The following IPO11 variants were observed in gnomAD, a reference collection of about 807,000 sequenced individuals.
The protein encoded by IPO11 is importin 11.
In IPO11, 66 loss-of-function variants were observed where a neutral mutation model predicts 143.2. The ratio of observed to expected loss-of-function variants is 0.46; its 90% CI spans 0.38 to 0.57. IPO11 has a LOEUF of 0.57. Among genes scored for constraint, IPO11 ranks in the 20% least tolerant of loss-of-function variants. The pLI, the probability that IPO11 is intolerant of heterozygous loss-of-function variation, is 0.00. For synonymous variants in IPO11, 385 were observed against 377.8 expected, an observed-to-expected ratio of 1.02 and a Z score of -0.22; for missense variants, 1,026 against 1,141.0, an observed-to-expected ratio of 0.90 and a Z score of 1.45.
rs1305676414 is a variant in IPO11 at position 62,443,412 on chromosome 5, TGTGTGTGTGC to T, written c.239+337_239+346del. The T allele has an allele frequency of 1.4e-4, 24 of 174,716 alleles. No homozygotes were observed. In the East Asian group the frequency reaches 2.5e-3, roughly 18 times the overall value. The allele number at this position is 174,716 out of a possible 1,614,324, so 10.8% of individuals were successfully genotyped here. On this transcript the variant is annotated intron_variant, in intron 3 of 29. Transcript: ENST00000325324. The stretch of plus-strand genomic sequence containing the variant: ...GTGTGTGTGTGTGTGTGTGTGTGTG[TGTGTGTGTGC>T]GTGTGTGCGTGTGCGTGTGATGTTG...
At chr5:62,580,223 C>T in intron 27 of IPO11, 1 of 1,550,580 alleles carries the variant, frequency 6.4e-7, no homozygotes, top group African/African-American at 1.4e-5. Flanking sequence ...CTGAAAAATT[C>T]AAGAATTAGG....
chr5:62,492,948 C>T (rs1740983696), intron 15 of IPO11, among the ~76,000 whole-genome samples: 1 of 152,018 alleles, frequency 6.6e-6, no homozygotes. Context: ...AAATATTTAT[C>T]ATCTTGCCAC....
At chr5:62,569,403 G>C (rs925566843) in intron 27 of IPO11, among the ~76,000 whole-genome samples, 2 of 152,164 alleles carry the variant, frequency 1.3e-5, no homozygotes, top group Non-Finnish European at 2.9e-5. Flanking sequence ...TAATTCTACA[G>C]ATTATTCTGC....
intron 29 of IPO11, among the ~76,000 whole-genome samples, chr5:62,605,625 C>T (rs1270153925): frequency 2.0e-5 from 3 of 151,726 alleles, no homozygotes; most frequent in Non-Finnish European, 2.9e-5. Context: ...TGAAATCTGA[C>T]TCATAGTCAC....
intron 29 of IPO11, among the ~76,000 whole-genome samples, chr5:62,610,849 T>C (rs1352305686): frequency 1.3e-5 from 2 of 152,198 alleles, no homozygotes; most frequent in East Asian, 3.8e-4. Context: ...GTACTTCCTC[T>C]GAGAACCTAT....
intron 7 of IPO11, among the ~76,000 whole-genome samples, chr5:62,470,587 T>G (rs1430879743): frequency 1.3e-5 from 2 of 152,122 alleles, no homozygotes; most frequent in Non-Finnish European, 2.9e-5. Flanking sequence ...TCCTGTGAAT[T>G]TGAATGCTAT....
chr5:62,582,026 G>A (rs765272090), intron 27 of IPO11, among the ~76,000 whole-genome samples: 7 of 152,282 alleles, frequency 4.6e-5, no homozygotes, highest in East Asian at 1.9e-4. Flanking sequence ...AGCTGGTGTC[G>A]TGAATGATGG....
At chr5:62,425,789 C>T (rs1007970767) in intron 1 of IPO11, among the ~76,000 whole-genome samples, 1 of 152,110 alleles carries the variant, frequency 6.6e-6, no homozygotes, top group African/African-American at 2.4e-5. Flanking sequence ...TACAAGTGTA[C>T]ACAATATATA....
intron 3 of IPO11, among the ~76,000 whole-genome samples, chr5:62,447,230 T>C (rs1427634325): frequency 6.6e-6 from 1 of 152,040 alleles, no homozygotes; most frequent in East Asian, 1.9e-4. Flanking sequence ...CTCAGCCTCC[T>C]GAGTAGCTGT....
chr5:62,434,383 C>G (rs531004169), intron 1 of IPO11, among the ~76,000 whole-genome samples: 51 of 152,058 alleles, frequency 3.4e-4, no homozygotes, highest in African/African-American at 1.1e-3. Context: ...CTCACTGTAT[C>G]CTGGACCTCC....
At chr5:62,552,646 C>T (rs1421956046) in intron 26 of IPO11, among the ~76,000 whole-genome samples, 2 of 151,986 alleles carry the variant, frequency 1.3e-5, no homozygotes, top group Non-Finnish European at 2.9e-5. Flanking sequence ...CCAGAGGAAA[C>T]ATCAGGATGC....
At chr5:62,438,270 G>A (rs758538966) in intron 2 of IPO11, among the ~76,000 whole-genome samples, 1 of 152,066 alleles carries the variant, frequency 6.6e-6, no homozygotes, top group Non-Finnish European at 1.5e-5. Context: ...GTTCATGACA[G>A]TAAGGGAAAT....
At chr5:62,580,821 A>G (rs1468227086) in intron 27 of IPO11, 1 of 1,551,380 alleles carries the variant, frequency 6.4e-7, no homozygotes, top group East Asian at 2.4e-5. Flanking sequence ...TTCCTACTTC[A>G]CCTGCTGGTA....
intron 17 of IPO11, 33 bp downstream of exon 17, chr5:62,504,733 G>A: frequency 7.0e-7 from 1 of 1,436,932 alleles, no homozygotes; most frequent in South Asian, 1.3e-5. Flanking sequence ...ATACTTCATT[G>A]CAAAGAACTT....
At chr5:62,623,483 T>G (rs1192328285) in intron 29 of IPO11, among the ~76,000 whole-genome samples, 1 of 152,096 alleles carries the variant, frequency 6.6e-6, no homozygotes, top group Non-Finnish European at 1.5e-5. Flanking sequence ...GGCTCTTGGA[T>G]CTCACACAAG....
chr5:62,580,468 G>T, intron 27 of IPO11: 4 of 1,551,318 alleles, frequency 2.6e-6, no homozygotes, highest in Non-Finnish European at 3.5e-6. Context: ...GCATCCAAGG[G>T]TCCTTAAGCC....
chr5:62,549,151 A>C (rs745563756), intron 24 of IPO11, among the ~76,000 whole-genome samples: 2 of 151,850 alleles, frequency 1.3e-5, no homozygotes, highest in African/African-American at 4.8e-5. Flanking sequence ...TATTGTTTCA[A>C]ATTTTATCTC....
intron 25 of IPO11, 64 bp downstream of exon 25, chr5:62,550,526 T>A (rs1172835182): frequency 1.9e-6 from 2 of 1,052,264 alleles, no homozygotes; most frequent in Non-Finnish European, 1.4e-6. Flanking sequence ...TTAATTACTC[T>A]GTTAGATACA....
intron 22 of IPO11, among the ~76,000 whole-genome samples, chr5:62,534,984 A>C (rs1282643397): frequency 6.6e-6 from 1 of 151,006 alleles, no homozygotes; most frequent in Admixed American, 6.6e-5. Flanking sequence ...AAAACAGATA[A>C]ATTTGTTAAT....
Sources: allele counts gnomAD v4.1 joint callset (sites outside exome capture counted in the v4.1 genomes callset), GRCh38; gene constraint gnomAD v4.1.1; transcripts MANE v1.5; gene names NCBI Gene and HGNC (gene_info 2026-07-23, HGNC 2026-07-21).